Variants in DNAH7 observed in about 807,000 individuals in gnomAD.
DNAH7 encodes the protein dynein axonemal heavy chain 7, also known as axonemal beta dynein heavy chain 7.
DNAH7 carries 397 observed loss-of-function variants against 444.6 expected under a neutral mutation model. The ratio of observed to expected loss-of-function variants is 0.89; its 90% confidence interval spans 0.82 to 0.97. The LOEUF (loss-of-function observed/expected upper bound fraction) is 0.97. Among genes scored for constraint, DNAH7 ranks in the 50% least tolerant of loss-of-function variants. The probability of loss-of-function intolerance (pLI) is 0.00; values close to 1 mark genes in which losing one functional copy is unlikely to be tolerated. For synonymous variants in DNAH7, 1,636 were observed against 1,624.4 expected (o/e 1.01, Z -0.17); for missense variants, 4,902 against 4,800.8 (o/e 1.02, Z -0.62).
chr2:195,948,072 G>A (rs1032634035), intron 19 of DNAH7, among the ~76,000 whole-genome samples: 27 of 152,082 alleles, frequency 1.8e-4, no homozygotes, highest in Non-Finnish European at 7.4e-5. Context: ...TCATAGGTTT[G>A]TTGGCCACAT....
intron 52 of DNAH7, 65 bp downstream of exon 52, chr2:195,809,680 A>T: frequency 2.9e-6 from 4 of 1,360,608 alleles, no homozygotes; most frequent in Non-Finnish European, 3.9e-6. Flanking sequence ...TTCCCATACA[A>T]ATTAATAAAT....
At position 195,926,448 on chromosome 2, in the gene DNAH7, G is replaced by T; in HGVS notation, c.3590C>A (p.Thr1197Lys). The change falls in exon 22 of 65, where the codon ACA becomes AAA. Residue 1197 changes from threonine (T) to lysine (K), a missense_variant. Transcript: ENST00000312428. ...SQIFWTKEVQTAIPMGIKALE... is the reference protein window; with the variant it reads ...SQIFWTKEVQKAIPMGIKALE... ...TACCTTTATCCCCATTGGAATAGCT[G>T]TTTGTACTTCTTTTGTCCAAAAGAT... 6.3e-7 allele frequency: 1 copy of T among 1,595,998 alleles called. No individual in the cohort carries two copies. Among genetic ancestry groups the T allele is most frequent in the East Asian group, 2.3e-5 (1 of 43,244 alleles).
Position 195,765,714 on chromosome 2 carries a change from AAGAC to A in DNAH7, c.11433+5942_11433+5945del, listed in dbSNP as rs200014722. Among the ~76,000 whole-genome samples the A allele has an allele frequency of 8.9e-3, 1,354 of 152,300 alleles. 20 individuals are homozygous for A. Among genetic ancestry groups the A allele is most frequent in the African/African-American group, 0.03 (1,261 of 41,550 alleles). ...CCTAGTTAAAATGGCTTATATCCAA[AAGAC>A]AGACAGTAACAAATGCAGGTGAGAA... is the stretch of plus-strand genomic sequence containing the variant. On this transcript the variant is annotated intron_variant, in intron 61 of 64. Coordinates refer to ENST00000312428, the MANE Select transcript of DNAH7 (RefSeq NM_018897.3).
In DNAH7 at chr2:195,758,454, G is replaced by A. The variant is rs75616303; in HGVS notation, c.11434-2169C>T. Among the ~76,000 whole-genome samples the A allele has an allele frequency of 7.8e-3, 1,182 of 152,246 alleles. 9 individuals carry two copies. The highest frequency in any genetic ancestry group is 0.017 in the Middle Eastern group (5 of 294). On this transcript the variant is annotated intron_variant, in intron 61 of 64. Transcript: ENST00000312428. ...TTTAAAATGTATTTACATTTTAAAT[G>A]TATTGGCATAGGTTTGAGAAGGGAG...
rs60449225 is a variant in DNAH7, at chr2:195,884,882, A to G, written c.5539-73T>C. On this transcript the variant is annotated intron_variant, in intron 34 of 64. Transcript: ENST00000312428. ...AATCTGTCCTTGAAGCTTACATATCAGATCAGCCAGATTAGTATCTCTGAA... is the reference window on the plus strand; with the variant it reads ...AATCTGTCCTTGAAGCTTACATATCGGATCAGCCAGATTAGTATCTCTGAA... 6,532 of 1,204,798 alleles carry G rather than the reference A, an allele frequency of 5.4e-3. 254 individuals carry two copies. In the African/African-American group the frequency reaches 0.087, roughly 16 times the overall value. The allele number at this position is 1,204,798 out of a possible 1,614,324, so 74.6% of individuals were successfully genotyped here. A position where few individuals can be genotyped will look rare whatever the true frequency, so the allele number is the denominator to read the frequency against.
intron 46 of DNAH7, among the ~76,000 whole-genome samples, 185 bp from the exon 47 acceptor site, chr2:195,845,350 T>C (rs1478287002): frequency 1.3e-5 from 2 of 152,216 alleles, no homozygotes; most frequent in Non-Finnish European, 2.9e-5. Flanking sequence ...AGGTCAGCTA[T>C]GTACTCAACA....
chr2:195,960,220 G>T, intron 18 of DNAH7, 40 bp downstream of exon 18: 1 of 1,487,484 alleles, frequency 6.7e-7, no homozygotes, highest in Non-Finnish European at 9.1e-7. Context: ...AGTGATTTTG[G>T]TAACATAGCA....
At chr2:195,922,312 G>A in intron 23 of DNAH7, 115 bp from the exon 24 acceptor site, 1 of 609,792 alleles carries the variant, frequency 1.6e-6, no homozygotes, top group Non-Finnish European at 2.9e-6. Flanking sequence ...TCACTTTTCA[G>A]GTGTCATTTG....
chr2:196,020,607 C>A (rs565832082), intron 8 of DNAH7, among the ~76,000 whole-genome samples: 3 of 137,244 alleles, frequency 2.2e-5, no homozygotes, highest in Non-Finnish European at 3.1e-5. Context: ...TAATTTGGGG[C>A]TTTTGTTTTT....
intron 17 of DNAH7, among the ~76,000 whole-genome samples, chr2:195,969,689 A>G (rs1254335899): frequency 6.6e-6 from 1 of 152,228 alleles, no homozygotes; most frequent in Non-Finnish European, 1.5e-5. Flanking sequence ...TAAATGATGC[A>G]AAGCAAAGTT....
chr2:195,920,907 C>T (rs1687979859), intron 24 of DNAH7, among the ~76,000 whole-genome samples: 1 of 152,112 alleles, frequency 6.6e-6, no homozygotes, highest in Admixed American at 6.6e-5. Context: ...GGGTTATGGA[C>T]ATGAATAGAC....
Position 195,872,438 on chromosome 2 carries a change from T to C in DNAH7, c.6445A>G (p.Thr2149Ala), listed in dbSNP as rs776831128. 3.8e-6 allele frequency: 6 copies of C among 1,599,966 alleles called. No homozygotes were observed. The East Asian group carries it at 1.3e-4, about 36-fold the overall frequency. The change falls in exon 40 of 65, where the codon ACC becomes GCC. Residue 2149 changes from threonine (T) to alanine (A), a missense_variant. Coordinates refer to ENST00000312428, the MANE Select transcript of DNAH7 (RefSeq NM_018897.3). ...YKFPDEFLDLTTQIVNGTMTL... is the reference protein window; with the variant it reads ...YKFPDEFLDLATQIVNGTMTL... ...ATTGTGCCATTTACGATTTGTGTGG[T>C]CAAATCTAGAAATTCATCTGGAAAT...
At chr2:195,783,146 C>T (rs9973585) in intron 58 of DNAH7, among the ~76,000 whole-genome samples, 103 of 152,320 alleles carry the variant, frequency 6.8e-4, no homozygotes, top group African/African-American at 2.4e-3. Context: ...CAAGGCTTCT[C>T]CCTCTCCCTT....
At chr2:195,970,202 G>A in intron 16 of DNAH7, 108 bp from the exon 17 acceptor site, 4 of 1,022,296 alleles carry the variant, frequency 3.9e-6, no homozygotes, top group South Asian at 4.4e-5. Context: ...TTTTGTCACT[G>A]GTAAAACATA....
chr2:195,862,266 G>T (rs1460796613), intron 41 of DNAH7, among the ~76,000 whole-genome samples: 1 of 152,124 alleles, frequency 6.6e-6, no homozygotes, highest in South Asian at 2.1e-4. Context: ...CATTTTACTG[G>T]TATTATCTCA....
At chr2:195,738,938 T>C (rs1177576002) in intron 64 of DNAH7, among the ~76,000 whole-genome samples, 4 of 152,174 alleles carry the variant, frequency 2.6e-5, no homozygotes, top group African/African-American at 4.8e-5. Context: ...TTTCTCCCAC[T>C]TAACTGTGGA....
intron 27 of DNAH7, chr2:195,901,433 T>C (rs1686699186): frequency 6.6e-6 from 1 of 152,174 alleles, no homozygotes; most frequent in Non-Finnish European, 1.5e-5. Flanking sequence ...AAAAATCAAT[T>C]TCCTGTTGTG....
At chr2:195,972,766 T>C (rs1691932914) in intron 15 of DNAH7, among the ~76,000 whole-genome samples, 1 of 152,220 alleles carries the variant, frequency 6.6e-6, no homozygotes, top group Non-Finnish European at 1.5e-5. Context: ...GAAGAGTTAC[T>C]CTTTCAGAGT....
At chr2:196,000,300 A>G (rs1023844565) in intron 12 of DNAH7, among the ~76,000 whole-genome samples, 3 of 152,166 alleles carry the variant, frequency 2.0e-5, no homozygotes, top group African/African-American at 7.2e-5. Flanking sequence ...TTGAAAGTAT[A>G]AAGGAGCTCA....
Sources: gnomAD v4.1 joint callset for allele counts (sites outside exome capture counted in the v4.1 genomes callset) on GRCh38, gnomAD v4.1.1 for gene constraint, MANE v1.5 for transcripts, NCBI Gene and HGNC (gene_info 2026-07-23, HGNC 2026-07-21) for gene names.